The following THUMPD3 variants were observed in gnomAD, a reference collection of about 807,000 sequenced individuals.
THUMPD3 encodes tRNA (guanine(6)-N(2))-methyltransferase THUMP3.
THUMPD3 carries 44 observed loss-of-function variants against 54.5 expected under a neutral mutation model. That is an observed-to-expected ratio of 0.81 (90% CI 0.63 to 1.04). The LOEUF is 1.04. Ranked by LOEUF, THUMPD3 falls within the 50% of genes least tolerant of loss-of-function variation. THUMPD3 has a pLI of 0.00. For missense variants in THUMPD3, 604 were observed against 601.3 expected, an observed-to-expected ratio of 1.00 and a Z score of -0.05; for synonymous variants, 196 against 201.4, an observed-to-expected ratio of 0.97 and a Z score of 0.23.
chr3:9,366,320 A>C (rs139417714), intron 2 of THUMPD3, among the ~76,000 whole-genome samples: 27 of 151,502 alleles, frequency 1.8e-4, no homozygotes, highest in Middle Eastern at 6.8e-3. Context: ...ATTGTTGTCT[A>C]TTTTTTTTTC....
At chr3:9,381,566 T>C (rs2032896348) in intron 7 of THUMPD3, among the ~76,000 whole-genome samples, 1 of 151,864 alleles carries the variant, frequency 6.6e-6, no homozygotes, top group African/African-American at 2.4e-5. Flanking sequence ...TTTTCTTAAA[T>C]ACTGATTTAT....
rs933197635 is a variant in THUMPD3 at position 9,371,389 on chromosome 3, T to C, written c.660T>C (p.Thr220=). 4 of 1,614,078 alleles carry C rather than the reference T, an allele frequency of 2.5e-6. No homozygotes were observed. Among genetic ancestry groups the C allele is most frequent in the Non-Finnish European group, 2.5e-6 (3 of 1,180,038 alleles). Reference sequence around the variant, plus strand: ...CTGATGAAAGCTCAAAAGAAGAAACTGAGCCTCAAGTGCTGAAGTTTAGAG... The same window carrying C: ...CTGATGAAAGCTCAAAAGAAGAAACCGAGCCTCAAGTGCTGAAGTTTAGAG... The part of the protein sequence containing the change: ...DETDESSKEE[T]EPQVLKFRVT... The change falls in exon 4 of 10, where the codon ACT becomes ACC. Residue 220 remains threonine (T), a synonymous_variant. Coordinates refer to ENST00000452837, the MANE Select transcript of THUMPD3 (RefSeq NM_001114092.2).
intron 8 of THUMPD3, 150 bp from the exon 9 acceptor site, chr3:9,384,062 T>G (rs139830310): frequency 9.0e-6 from 9 of 995,448 alleles, no homozygotes; most frequent in East Asian, 4.9e-5. Flanking sequence ...TAACTCAACT[T>G]ATTTCATAGA....
chr3:9,369,676 C>G (rs915662228), intron 3 of THUMPD3, among the ~76,000 whole-genome samples: 8 of 152,084 alleles, frequency 5.3e-5, no homozygotes, highest in Non-Finnish European at 1.0e-4. Context: ...TTAACCAGTC[C>G]CATTTTAGGG....
Position 9,371,541 on chromosome 3 carries a change from G to A in THUMPD3, c.807+5G>A. ...ATGACCAACTTTGATGTGGAGGTAG[G>A]TATAGGCTCTGACTGTGGTGATTGA... On this transcript the variant is annotated splice_donor_5th_base_variant and intron_variant, in intron 4 of 9. Transcript: ENST00000452837. 6.2e-7 allele frequency: 1 copy of A among 1,603,712 alleles called. No individual in the cohort carries two copies. The highest frequency in any genetic ancestry group is 8.5e-7 in the Non-Finnish European group (1 of 1,173,430).
At chr3:9,381,552 T>A (rs2032894224) in intron 7 of THUMPD3, among the ~76,000 whole-genome samples, 5 of 151,988 alleles carry the variant, frequency 3.3e-5, no homozygotes, top group Admixed American at 2.0e-4. Context: ...TTGGAAGGCT[T>A]CAATTTTCTT....
intron 7 of THUMPD3, among the ~76,000 whole-genome samples, chr3:9,382,155 G>A (rs1425449276): frequency 1.3e-4 from 20 of 152,018 alleles, no homozygotes; most frequent in Non-Finnish European, 1.5e-4. Context: ...GCAGTTATTG[G>A]TATGCGGTTA....
chr3:9,380,422 T>C, intron 6 of THUMPD3, 81 bp from the exon 7 acceptor site: 7 of 967,386 alleles, frequency 7.2e-6, no homozygotes, highest in Non-Finnish European at 1.1e-5. Context: ...AGAAAAGCAC[T>C]GGATTTTCTT....
intron 7 of THUMPD3, among the ~76,000 whole-genome samples, chr3:9,381,756 CTTTTTTTTTTTTTTTTTTTTTTTTTTTTT>C (rs753480713): frequency 6.8e-5 from 3 of 44,370 alleles, no homozygotes; most frequent in African/African-American, 1.0e-4. Flanking sequence ...TCAACCCGTA[CTTTTTTTTTTTTTTTTTTTTTTTTTTTTT>C]TTTTTTTTTT....
chr3:9,377,583 C>T (rs2125325580), intron 5 of THUMPD3, among the ~76,000 whole-genome samples: 1 of 152,210 alleles, frequency 6.6e-6, no homozygotes, highest in South Asian at 2.1e-4. Context: ...CCATGTTGGC[C>T]AGGCTGGTCT....
chr3:9,384,137 A>G, intron 8 of THUMPD3, 75 bp from the exon 9 acceptor site: 1 of 1,518,326 alleles, frequency 6.6e-7, no homozygotes, highest in Non-Finnish European at 8.9e-7. Flanking sequence ...GATGCATGAA[A>G]CTGTTTTTGT....
rs1295471526 is a variant in THUMPD3, at chr3:9,384,314, A to C, written c.1338A>C (p.Gln446His). The change falls in exon 9 of 10, where the codon CAA becomes CAC. Residue 446 changes from glutamine to histidine, a missense_variant. Physicochemically the swap from Gln to His is conservative, Grantham distance 24. Transcript: ENST00000452837. The stretch of plus-strand genomic sequence containing the variant: ...CAGGCCGAGCTGTACTACTTACTCA[A>C]GACACAAAATGCTTTACCAAGGTGC... ...PTTGRAVLLTQDTKCFTKALS... is the reference protein window; with the variant it reads ...PTTGRAVLLTHDTKCFTKALS... 1.2e-6 allele frequency: 2 copies of C among 1,613,994 alleles called. No homozygotes were observed. The highest frequency in any genetic ancestry group is 4.5e-5 in the East Asian group (2 of 44,880).
intron 3 of THUMPD3, among the ~76,000 whole-genome samples, chr3:9,370,359 T>C (rs1443787792): frequency 6.6e-6 from 1 of 152,226 alleles, no homozygotes; most frequent in Non-Finnish European, 1.5e-5. Flanking sequence ...TCTTTCACCT[T>C]TATATTTGGC....
intron 9 of THUMPD3, 68 bp from the exon 10 acceptor site, chr3:9,384,456 G>A (rs910902144): frequency 6.2e-7 from 1 of 1,606,174 alleles, no homozygotes; most frequent in African/African-American, 1.3e-5. Flanking sequence ...TATCTTGGCA[G>A]TTAAGAATCC....
rs1267640002 is a variant in THUMPD3 at position 9,384,727 on chromosome 3, T to G, written c.*39T>G. 6.2e-7 allele frequency: 1 copy of G among 1,609,260 alleles called. No homozygotes were observed. Among genetic ancestry groups the G allele is most frequent in the Non-Finnish European group, 8.5e-7 (1 of 1,176,734 alleles). On this transcript the variant is annotated 3_prime_UTR_variant, in exon 10 of 10. Coordinates refer to ENST00000452837, the MANE Select transcript of THUMPD3 (RefSeq NM_001114092.2). ...TACTTGTACTTCCCACCACTGGAAATGTTAGCATAAAAGAACTTGGAGAGG... is the reference window on the plus strand; with the variant it reads ...TACTTGTACTTCCCACCACTGGAAAGGTTAGCATAAAAGAACTTGGAGAGG...
At chr3:9,376,709 G>A (rs777160081) in intron 5 of THUMPD3, among the ~76,000 whole-genome samples, 2 of 152,178 alleles carry the variant, frequency 1.3e-5, no homozygotes, top group African/African-American at 4.8e-5. Flanking sequence ...GAAAAGATTA[G>A]AAGAACAAGA....
Position 9,365,210 on chromosome 3 carries a change from T to C in THUMPD3, c.142T>C (p.Phe48Leu), listed in dbSNP as rs376309040. The C allele has an allele frequency of 1.7e-5, 28 of 1,614,104 alleles. No homozygotes were observed. The African/African-American group carries it at 2.8e-4, about 16-fold the overall frequency. Residue 48 changes from phenylalanine (F) to leucine (L), a missense_variant, in exon 2 of 10, where the codon TTT becomes CTT. Transcript: ENST00000452837. ...TATTGGAGCCACTGTACCTACTGGC[T>C]TTGAGCAAACAGCTGCAGATGAAGT... ...VTIGATVPTG[F>L]EQTAADEVRE...
chr3:9,371,591 A>G, intron 4 of THUMPD3, 55 bp downstream of exon 4: 1 of 1,417,034 alleles, frequency 7.1e-7, no homozygotes, highest in Non-Finnish European at 9.7e-7. Flanking sequence ...GATTTGTAGA[A>G]TTTCCAGACT....
Position 9,384,602 on chromosome 3 carries a change from T to G in THUMPD3, c.1438T>G (p.Tyr480Asp), listed in dbSNP as rs748588009. ...CGTTGGTGGTCTTCGTGCTGCAGTT[T>G]ACGTTCTGATACGTACACCTCAAGC... Reference protein sequence around the residue: ...VNVGGLRAAVYVLIRTPQAFV... With the variant: ...VNVGGLRAAVDVLIRTPQAFV... The change falls in exon 10 of 10, where the codon TAC (tyrosine) becomes GAC (aspartate). Residue 480 changes from tyrosine to aspartate, a missense_variant. Physicochemically the swap from Tyr to Asp is radical, Grantham distance 160. Transcript: ENST00000452837. 1.7e-5 allele frequency: 28 copies of G among 1,614,086 alleles called. No individual in the cohort carries two copies. Among genetic ancestry groups the G allele is most frequent in the Non-Finnish European group, 2.3e-5 (27 of 1,180,048 alleles).
Sources: allele counts gnomAD v4.1 joint callset (sites outside exome capture counted in the v4.1 genomes callset), GRCh38; gene constraint gnomAD v4.1.1; transcripts MANE v1.5; gene names NCBI Gene and HGNC (gene_info 2026-07-23, HGNC 2026-07-21).